Variants in RGS7 observed in about 807,000 individuals in gnomAD.
RGS7 encodes the protein regulator of G protein signaling 7, also known as regulator of G-protein signaling 7.
A neutral mutation model predicts 81.1 loss-of-function variants in RGS7; 27 were observed. The ratio of observed to expected loss-of-function variants is 0.33; its 90% CI spans 0.25 to 0.46. The LOEUF (loss-of-function observed/expected upper bound fraction) is 0.46, where lower values mean the gene tolerates loss of function less well. Among genes scored for constraint, RGS7 ranks in the 20% least tolerant of loss-of-function variants. The pLI, the probability that RGS7 is intolerant of heterozygous loss-of-function variation, is 1.00. For synonymous variants in RGS7, 208 were observed against 207.7 expected, an observed-to-expected ratio of 1.00 and a Z score of -0.01; for missense variants, 396 against 607.4, an observed-to-expected ratio of 0.65 and a Z score of 3.66.
intron 2 of RGS7, among the ~76,000 whole-genome samples, chr1:241,242,252 C>T (rs1465100581): frequency 6.6e-6 from 1 of 151,956 alleles, no homozygotes; most frequent in African/African-American, 2.4e-5. Flanking sequence ...TCTCCAATAC[C>T]ATCCAGGTTG....
chr1:241,347,471 TCCTTTTATA>T (rs1380874574), intron 2 of RGS7, among the ~76,000 whole-genome samples: 4 of 152,130 alleles, frequency 2.6e-5, no homozygotes, highest in Non-Finnish European at 4.4e-5. Flanking sequence ...AAAAATAGAT[TCCTTTTATA>T]CCTTTTATAC....
intron 2 of RGS7, among the ~76,000 whole-genome samples, chr1:241,261,062 T>TA (rs1174866423): frequency 1.3e-5 from 2 of 150,884 alleles, no homozygotes; most frequent in Non-Finnish European, 2.9e-5. Flanking sequence ...CCCTAAAACT[T>TA]AAAGTATAAT....
chr1:241,104,410 G>A (rs2064972253), intron 2 of RGS7, among the ~76,000 whole-genome samples: 1 of 152,172 alleles, frequency 6.6e-6, no homozygotes. Flanking sequence ...TGCAAGACAG[G>A]AGATTTGATT....
chr1:241,122,669 GA>G (rs200013731), intron 2 of RGS7, among the ~76,000 whole-genome samples: 3,903 of 79,504 alleles, frequency 0.049, 222 homozygotes, highest in East Asian at 0.35. Context: ...ATCACAAAAA[GA>G]AAAAAAAAAA....
At chr1:241,076,562 G>A (rs9428859) in intron 3 of RGS7, among the ~76,000 whole-genome samples, 39,083 of 151,948 alleles carry the variant, frequency 0.26, 5,883 homozygotes, top group African/African-American at 0.41. Flanking sequence ...TGATATTAAT[G>A]AAAGAGGTGA....
chr1:241,314,429 A>G lies in RGS7; in HGVS notation c.78+41270T>C, dbSNP rs2080741336. ...TTTAGCAATAAAGAATTTCTAAGTT[A>G]AGGTATGTACCTTGTTTTTTTAGCC... On this transcript the variant is annotated intron_variant, in intron 2 of 18. Transcript: ENST00000440928. Among the ~76,000 whole-genome samples, 3 of 152,230 alleles carry G rather than the reference A, an allele frequency of 2.0e-5. No homozygotes were observed. In the South Asian group the frequency reaches 6.2e-4, roughly 32 times the overall value.
chr1:240,858,923 C>T (rs547630161), intron 9 of RGS7, among the ~76,000 whole-genome samples: 20 of 152,212 alleles, frequency 1.3e-4, no homozygotes, highest in African/African-American at 4.8e-4. Context: ...CATCTTTGTT[C>T]ATGAGAGACA....
intron 10 of RGS7, among the ~76,000 whole-genome samples, chr1:240,826,116 G>C (rs1206817813): frequency 6.6e-6 from 1 of 152,200 alleles, no homozygotes; most frequent in African/African-American, 2.4e-5. Context: ...CAGAGAGACA[G>C]ACCAGACAGG....
At chr1:241,156,436 G>A (rs2069153515) in intron 2 of RGS7, among the ~76,000 whole-genome samples, 1 of 151,800 alleles carries the variant, frequency 6.6e-6, no homozygotes, top group Non-Finnish European at 1.5e-5. Flanking sequence ...AGCCCAGGAG[G>A]TCAAGGCTGC....
chr1:240,937,266 G>C (rs1676802478), intron 4 of RGS7, among the ~76,000 whole-genome samples: 1 of 152,208 alleles, frequency 6.6e-6, no homozygotes, highest in Non-Finnish European at 1.5e-5. Context: ...GCAGTGGCCA[G>C]AAGTGCGAGT....
chr1:240,837,901 T>A (rs1345542853), intron 9 of RGS7, among the ~76,000 whole-genome samples: 1 of 152,182 alleles, frequency 6.6e-6, no homozygotes, highest in African/African-American at 2.4e-5. Flanking sequence ...CAGATAGCAA[T>A]GGGACAACTA....
At chr1:240,827,991 T>C (rs774257386) in intron 9 of RGS7, among the ~76,000 whole-genome samples, 37 of 151,920 alleles carry the variant, frequency 2.4e-4, no homozygotes, top group Admixed American at 1.5e-3. Flanking sequence ...CTTACAAGGA[T>C]TGTGAAACCC....
At chr1:240,789,100 T>G (rs533847481) in intron 18 of RGS7, among the ~76,000 whole-genome samples, 3 of 152,330 alleles carry the variant, frequency 2.0e-5, no homozygotes, top group Admixed American at 6.5e-5. Context: ...GGACATTTAT[T>G]AGTTCCCCAA....
intron 2 of RGS7, among the ~76,000 whole-genome samples, chr1:241,299,911 T>A (rs1371540908): frequency 3.1e-5 from 3 of 96,582 alleles, no homozygotes; most frequent in African/African-American, 1.2e-4. Context: ...GGAGCCTAGG[T>A]AACACACAGA....
intron 3 of RGS7, among the ~76,000 whole-genome samples, chr1:241,041,182 G>A (rs1169730605): frequency 6.6e-6 from 1 of 152,100 alleles, no homozygotes; most frequent in Non-Finnish European, 1.5e-5. Flanking sequence ...CTGAGATATT[G>A]ATAAGCGGCT....
intron 14 of RGS7, among the ~76,000 whole-genome samples, chr1:240,810,376 G>A (rs1169359656): frequency 6.6e-6 from 1 of 151,642 alleles, no homozygotes; most frequent in African/African-American, 2.4e-5. Flanking sequence ...AGAATGAGAG[G>A]AATGTCCATC....
intron 6 of RGS7, among the ~76,000 whole-genome samples, chr1:240,904,909 C>A (rs1476404659): frequency 6.6e-6 from 1 of 152,170 alleles, no homozygotes; most frequent in Non-Finnish European, 1.5e-5. Flanking sequence ...AATACACAAA[C>A]ATCATAAATG....
intron 2 of RGS7, among the ~76,000 whole-genome samples, chr1:241,241,840 C>G (rs2076273936): frequency 6.6e-6 from 1 of 152,136 alleles, no homozygotes; most frequent in Non-Finnish European, 1.5e-5. Context: ...TGAATCTAAC[C>G]TATTTTGTTT....
Position 241,294,890 on chromosome 1 carries a change from G to A in RGS7, c.78+60809C>T, listed in dbSNP as rs144899954. Among the ~76,000 whole-genome samples the A allele has an allele frequency of 2.4e-3, 359 of 152,286 alleles. 5 individuals carry two copies. Among genetic ancestry groups the A allele is most frequent in the African/African-American group, 8.2e-3 (339 of 41,558 alleles). On this transcript the variant is annotated intron_variant, in intron 2 of 18. Transcript: ENST00000440928. ...ACCATCTAGGTTTGTGTAAGTACAC[G>A]CTATGGTGTTAGTCAACTAAAGAAA...
Sources: allele counts gnomAD v4.1 joint callset (sites outside exome capture counted in the v4.1 genomes callset), GRCh38; gene constraint gnomAD v4.1.1; transcripts MANE v1.5; gene names NCBI Gene and HGNC (gene_info 2026-07-23, HGNC 2026-07-21).